The following CTNNA3 variants were observed in gnomAD, a reference collection of about 807,000 sequenced individuals.
CTNNA3 encodes the protein catenin alpha-3.
Under a neutral mutation model 95.7 loss-of-function variants are expected in CTNNA3, and 76 were observed. That is an observed-to-expected ratio of 0.79 (90% CI 0.66 to 0.96). CTNNA3 has a LOEUF of 0.96. CTNNA3 is among the 40% of genes least tolerant of loss of function. CTNNA3 has a pLI of 0.00. For missense variants in CTNNA3, 1,191 were observed against 1,089.8 expected (o/e 1.09, Z -1.31); for synonymous variants, 431 against 374.4 (o/e 1.15, Z -1.74).
In CTNNA3 at chr10:67,467,192, G is replaced by A. The variant is rs117463258; in HGVS notation, c.579+54650C>T. On this transcript the variant is annotated intron_variant, in intron 5 of 17. Transcript: ENST00000433211. ...TGGAACCAAATCTCATAGTAACAAA[G>A]TTTCACATTTTAAAATTTCAGAGGG... Among the ~76,000 whole-genome samples the A allele has an allele frequency of 1.2e-4, 19 of 152,110 alleles. No homozygotes were observed. The East Asian group carries it at 3.5e-3, about 28-fold the overall frequency.
At chr10:67,408,148 G>C (rs1475841035) in intron 5 of CTNNA3, among the ~76,000 whole-genome samples, 2 of 152,318 alleles carry the variant, frequency 1.3e-5, no homozygotes, top group Admixed American at 1.3e-4. Context: ...TCAATGTTTT[G>C]AAAATGGCCA....
At chr10:66,633,020 T>C (rs926912343) in intron 9 of CTNNA3, among the ~76,000 whole-genome samples, 3 of 152,246 alleles carry the variant, frequency 2.0e-5, no homozygotes, top group East Asian at 1.9e-4. Flanking sequence ...ATCAGAAATA[T>C]GTAAAAAGTT....
chr10:66,426,908 T>A lies in CTNNA3; in HGVS notation c.1532-47556A>T, dbSNP rs945077458. On this transcript the variant is annotated intron_variant, in intron 11 of 17. Transcript: ENST00000433211. ...AATACTTTATTTTTTCATATATATT[T>A]TAAATCTGTTTTTTCTCTTTGTGCT... Among the ~76,000 whole-genome samples the A allele has an allele frequency of 3.3e-5, 5 of 151,618 alleles. No homozygotes were observed. In the East Asian group the frequency reaches 9.6e-4, roughly 29 times the overall value.
intron 5 of CTNNA3, among the ~76,000 whole-genome samples, chr10:67,422,340 C>T (rs1013495791): frequency 6.6e-6 from 1 of 151,976 alleles, no homozygotes; most frequent in African/African-American, 2.4e-5. Context: ...CAGGGTGTCT[C>T]CAACTTACTC....
chr10:66,614,482 C>T (rs1564569242), intron 10 of CTNNA3, among the ~76,000 whole-genome samples: 1 of 152,082 alleles, frequency 6.6e-6, no homozygotes, highest in East Asian at 1.9e-4. Context: ...ATCTCCAGTG[C>T]ATGCCCTAGC....
At chr10:67,578,979 A>C (rs1842268202) in intron 3 of CTNNA3, among the ~76,000 whole-genome samples, 1 of 135,618 alleles carries the variant, frequency 7.4e-6, no homozygotes, top group Non-Finnish European at 1.6e-5. Flanking sequence ...ACGATATAAA[A>C]CCCACCTGAT....
chr10:67,681,502 A>C lies in CTNNA3; in HGVS notation c.-6+14498T>G, dbSNP rs1589561946. Reference sequence around the variant, plus strand: ...TAAAAATAAAGCTTACTCCCTGCTCACTCTTTTGCCCAAATTCAATTCCAG... The same window carrying C: ...TAAAAATAAAGCTTACTCCCTGCTCCCTCTTTTGCCCAAATTCAATTCCAG... On this transcript the variant is annotated intron_variant, in intron 1 of 17. Transcript: ENST00000433211. Among the ~76,000 whole-genome samples the C allele has an allele frequency of 4.6e-5, 7 of 152,170 alleles. No individual in the cohort carries two copies. The South Asian group carries it at 1.2e-3, about 27-fold the overall frequency.
intron 9 of CTNNA3, among the ~76,000 whole-genome samples, chr10:66,668,884 A>G (rs137965649): frequency 1.3e-5 from 2 of 152,174 alleles, no homozygotes; most frequent in East Asian, 3.9e-4. Context: ...AAAGTTCCCA[A>G]ATTAGACATT....
chr10:67,582,963 GA>G (rs1327415583), intron 3 of CTNNA3, among the ~76,000 whole-genome samples: 1 of 152,008 alleles, frequency 6.6e-6, no homozygotes, highest in East Asian at 1.9e-4. Context: ...CTCTGCACAA[GA>G]GATGGGTTTC....
At chr10:66,276,376 C>G (rs747052142) in intron 13 of CTNNA3, among the ~76,000 whole-genome samples, 1 of 152,032 alleles carries the variant, frequency 6.6e-6, no homozygotes, top group African/African-American at 2.4e-5. Flanking sequence ...TACTTCACTG[C>G]GGGCCACTTA....
chr10:66,161,876 T>C (rs1253114606), intron 13 of CTNNA3, among the ~76,000 whole-genome samples: 5 of 152,136 alleles, frequency 3.3e-5, no homozygotes, highest in East Asian at 1.9e-4. Context: ...CCAGACTTCT[T>C]GGAGGCTGTG....
chr10:67,531,078 G>A (rs1840310045), intron 4 of CTNNA3, among the ~76,000 whole-genome samples: 1 of 152,224 alleles, frequency 6.6e-6, no homozygotes, highest in Non-Finnish European at 1.5e-5. Context: ...GTATGTCCAG[G>A]TAGAAGTTTG....
Position 66,420,760 on chromosome 10 carries a change from C to G in CTNNA3, c.1532-41408G>C, listed in dbSNP as rs186952451. 6.8e-3 allele frequency among the ~76,000 whole-genome samples: 1,038 copies of G among 151,772 alleles called. 11 individuals carry two copies. The highest frequency in any genetic ancestry group is 0.024 in the African/African-American group (988 of 41,300). On this transcript the variant is annotated intron_variant, in intron 11 of 17. Transcript: ENST00000433211. ...GTTGCAGTGAGCCAAGATCATGCCA[C>G]TGCACTCCAGCCTGGGTGACACAGC...
intron 13 of CTNNA3, among the ~76,000 whole-genome samples, chr10:66,196,185 G>A (rs1346102984): frequency 6.6e-6 from 1 of 152,132 alleles, no homozygotes; most frequent in Non-Finnish European, 1.5e-5. Flanking sequence ...GAAAGTTTAA[G>A]AGAATATAAA....
intron 1 of CTNNA3, among the ~76,000 whole-genome samples, chr10:67,660,172 A>G (rs535959154): frequency 1.3e-5 from 2 of 152,294 alleles, no homozygotes; most frequent in South Asian, 4.1e-4. Flanking sequence ...TAACCATCCA[A>G]GTTCATTATT....
At chr10:67,469,657 T>C (rs1207638564) in intron 5 of CTNNA3, among the ~76,000 whole-genome samples, 1 of 152,054 alleles carries the variant, frequency 6.6e-6, no homozygotes, top group Non-Finnish European at 1.5e-5. Context: ...ATACCTAATG[T>C]CAATGATGGG....
chr10:66,012,313 A>G (rs752425399), intron 15 of CTNNA3, among the ~76,000 whole-genome samples: 1 of 152,188 alleles, frequency 6.6e-6, no homozygotes, highest in Non-Finnish European at 1.5e-5. Context: ...GTGTGGGGAG[A>G]ATATTAGTTG....
intron 3 of CTNNA3, among the ~76,000 whole-genome samples, chr10:67,588,001 C>A (rs548177723): frequency 6.6e-6 from 1 of 152,074 alleles, no homozygotes; most frequent in African/African-American, 2.4e-5. Context: ...ATTGTGGAAG[C>A]TTTTGAATAC....
At chr10:67,605,530 C>CA (rs1228024608) in intron 3 of CTNNA3, among the ~76,000 whole-genome samples, 3 of 151,898 alleles carry the variant, frequency 2.0e-5, no homozygotes, top group South Asian at 2.1e-4. Flanking sequence ...GCTACACACA[C>CA]AAAAAAATGG....
Sources: allele counts gnomAD v4.1 joint callset (sites outside exome capture counted in the v4.1 genomes callset), GRCh38; gene constraint gnomAD v4.1.1; transcripts MANE v1.5; gene names NCBI Gene and HGNC (gene_info 2026-07-23, HGNC 2026-07-21).